RYR1: variants seen among roughly 807,000 people sequenced by gnomAD.
RYR1 encodes the protein central core disease of muscle.
A neutral mutation model predicts 583.5 loss-of-function variants in RYR1; 342 were observed. That is an observed-to-expected ratio of 0.59 (90% CI 0.54 to 0.64). RYR1 has a LOEUF of 0.64. RYR1 is among the 30% of genes least tolerant of loss of function. The pLI is 0.00. For missense variants in RYR1, 6,032 were observed against 6,917.2 expected (o/e 0.87, Z 4.54); for synonymous variants, 2,791 against 2,822.5 (o/e 0.99, Z 0.35).
At chr19:38,493,391 A>G (rs1600797583) in intron 38 of RYR1, among the ~76,000 whole-genome samples, 1 of 152,174 alleles carries the variant, frequency 6.6e-6, no homozygotes, top group East Asian at 1.9e-4. Flanking sequence ...TTATCCCACA[A>G]CATTCAGGAA....
intron 71 of RYR1, 82 bp from the exon 72 acceptor site, chr19:38,526,911 G>A (rs1396375209): frequency 1.4e-6 from 2 of 1,474,410 alleles, no homozygotes; most frequent in Non-Finnish European, 1.9e-6. Flanking sequence ...TTCCTGGGGT[G>A]CTGGGCCTGG....
At chr19:38,476,906 C>T (rs1968761449) in intron 29 of RYR1, among the ~76,000 whole-genome samples, 1 of 152,112 alleles carries the variant, frequency 6.6e-6, no homozygotes, top group Admixed American at 6.5e-5. Flanking sequence ...TGATGGCTCA[C>T]ACCCGTAGTC....
chr19:38,586,391 G>T (rs915271522), intron 104 of RYR1, 134 bp from the exon 105 acceptor site: 3 of 1,109,150 alleles, frequency 2.7e-6, no homozygotes, highest in Middle Eastern at 2.3e-4. Flanking sequence ...GAGGCCAAGT[G>T]GGGAGGATTA....
chr19:38,569,014 A>AT (rs536234775), intron 93 of RYR1, among the ~76,000 whole-genome samples: 6,551 of 146,118 alleles, frequency 0.045, 211 homozygotes, highest in East Asian at 0.12. Context: ...CTACAAAAGA[A>AT]TTTTTTTTTT....
chr19:38,464,810 G>T, intron 23 of RYR1, 88 bp downstream of exon 23: 5 of 1,225,756 alleles, frequency 4.1e-6, no homozygotes, highest in Non-Finnish European at 5.9e-6. Flanking sequence ...GGGGTCTTGT[G>T]GGGAGGCTGA....
intron 57 of RYR1, among the ~76,000 whole-genome samples, 183 bp downstream of exon 57, chr19:38,507,135 A>C (rs1191072264): frequency 1.5e-5 from 2 of 134,414 alleles, no homozygotes; most frequent in African/African-American, 5.9e-5. Context: ...GATGGGGAGG[A>C]GTTCGAAATG....
At position 38,519,425 on chromosome 19, in the gene RYR1, G is replaced by T. The variant is rs774663618; in HGVS notation, c.10230G>T (p.Pro3410=). ...GCCGGGACCTCTACGCCCTGTATCC[G>T]CTGCTCATCCGCTACGTGGACAACA... The part of the protein sequence containing the change: ...VLCRDLYALY[P]LLIRYVDNNR... The change falls in exon 67 of 106, where the codon CCG becomes CCT. Residue 3410 remains proline (P), a synonymous_variant. Transcript: ENST00000359596. 8 of 1,600,766 alleles carry T rather than the reference G, an allele frequency of 5.0e-6. No individual in the cohort carries two copies. Among genetic ancestry groups the T allele is most frequent in the South Asian group, 2.2e-5 (2 of 89,230 alleles).
intron 72 of RYR1, 121 bp downstream of exon 72, chr19:38,527,173 G>A (rs189279128): frequency 3.5e-4 from 399 of 1,127,648 alleles, no homozygotes; most frequent in Admixed American, 4.8e-4. Flanking sequence ...TCAGGAGTTT[G>A]AGACCAGCCT....
intron 1 of RYR1, among the ~76,000 whole-genome samples, chr19:38,438,956 C>T (rs961888859): frequency 6.6e-6 from 1 of 151,964 alleles, no homozygotes; most frequent in Non-Finnish European, 1.5e-5. Flanking sequence ...AGTAATCCTT[C>T]TGCCTCAGCC....
At chr19:38,573,404 G>A (rs111752865) in intron 96 of RYR1, 97 bp downstream of exon 96, 68 of 1,461,386 alleles carry the variant, frequency 4.7e-5, no homozygotes, top group Middle Eastern at 2.5e-4. Flanking sequence ...GTTTCGGTCC[G>A]GGCACGGTGG....
At chr19:38,469,279 C>G in intron 26 of RYR1, 26 bp from the exon 27 acceptor site, 1 of 1,613,050 alleles carries the variant, frequency 6.2e-7, no homozygotes, top group Non-Finnish European at 8.5e-7. Flanking sequence ...TGCCCTCACC[C>G]CTGCCCATCC....
At chr19:38,568,063 T>A (rs541812999) in intron 93 of RYR1, 146 bp downstream of exon 93, 2 of 940,160 alleles carry the variant, frequency 2.1e-6, no homozygotes, top group African/African-American at 3.3e-5. Context: ...GGCAGAGGTA[T>A]CCCCAGACCT....
intron 48 of RYR1, 61 bp from the exon 49 acceptor site, chr19:38,502,819 G>A (rs975038767): frequency 1.3e-5 from 20 of 1,523,468 alleles, no homozygotes; most frequent in Middle Eastern, 2.1e-4. Context: ...GGAGGAGCAG[G>A]GGCAGGGGCA....
In RYR1 at chr19:38,463,813, A is replaced by AG; in HGVS notation, c.2751dup (p.Asn918GlufsTer26). 7.4e-6 allele frequency: 12 copies of AG among 1,613,760 alleles called. No homozygotes were observed. The highest frequency in any genetic ancestry group is 1.0e-5 in the Non-Finnish European group (12 of 1,179,932). On this transcript the variant is annotated frameshift_variant, in exon 22 of 106. Coordinates refer to ENST00000359596, the MANE Select transcript of RYR1 (RefSeq NM_000540.3). LOFTEE classifies it high-confidence loss of function. ...CTTCCACAGCCTTCCAGAGCCTGAG[A>AG]GGAACTACAACCTGCAGATGTCTGG...
intron 67 of RYR1, among the ~76,000 whole-genome samples, 170 bp downstream of exon 67, chr19:38,519,624 C>T (rs1262786949): frequency 3.9e-5 from 6 of 152,150 alleles, no homozygotes; most frequent in Admixed American, 2.0e-4. Context: ...ATTGGTCCAA[C>T]GACAGCCAGC....
chr19:38,469,184 T>G, intron 26 of RYR1, 44 bp downstream of exon 26: 1 of 1,612,478 alleles, frequency 6.2e-7, no homozygotes, highest in South Asian at 1.1e-5. Context: ...TGTTTTCCTC[T>G]GTCTCTCCCA....
intron 50 of RYR1, 30 bp downstream of exon 50, chr19:38,504,390 C>A (rs1314604838): frequency 1.2e-6 from 2 of 1,610,084 alleles, no homozygotes; most frequent in Non-Finnish European, 1.7e-6. Context: ...CCAAAATGGC[C>A]TATGTGGAGG....
At chr19:38,434,161 C>T (rs1004463225) in intron 1 of RYR1, among the ~76,000 whole-genome samples, 1 of 152,098 alleles carries the variant, frequency 6.6e-6, no homozygotes, top group African/African-American at 2.4e-5. Context: ...AGGGAGCACA[C>T]CCTCACACCA....
chr19:38,486,240 C>T (rs1435806521), intron 34 of RYR1, 38 bp downstream of exon 34: 1 of 1,612,412 alleles, frequency 6.2e-7, no homozygotes, highest in Non-Finnish European at 8.5e-7. Context: ...TCCCATTCTT[C>T]TCCCACATTC....
Sources: allele counts gnomAD v4.1 joint callset (sites outside exome capture counted in the v4.1 genomes callset), GRCh38; gene constraint gnomAD v4.1.1; transcripts MANE v1.5; gene names NCBI Gene and HGNC (gene_info 2026-07-23, HGNC 2026-07-21).